The following JPH3 variants were observed in gnomAD, a reference collection of about 807,000 sequenced individuals.
The protein encoded by JPH3 is junctophilin 3.
JPH3 carries 11 observed loss-of-function variants against 59.6 expected under a neutral mutation model. That is an observed-to-expected ratio of 0.18 (90% CI 0.12 to 0.31). The LOEUF is 0.31. JPH3 is among the 10% of genes least tolerant of loss of function. The pLI is 1.00. For missense variants in JPH3, 1,202 were observed against 1,105.7 expected, an observed-to-expected ratio of 1.09 and a Z score of -1.24; for synonymous variants, 673 against 483.6, an observed-to-expected ratio of 1.39 and a Z score of -5.14.
At chr16:87,677,261 T>C (rs2033175802) in intron 2 of JPH3, among the ~76,000 whole-genome samples, 1 of 146,330 alleles carries the variant, frequency 6.8e-6, no homozygotes, top group African/African-American at 2.6e-5. Context: ...TGGGCGCCTG[T>C]AATCCCAGCC....
At chr16:87,641,208 C>CG (rs2031939658) in intron 1 of JPH3, among the ~76,000 whole-genome samples, 1 of 152,128 alleles carries the variant, frequency 6.6e-6, no homozygotes, top group Non-Finnish European at 1.5e-5. Context: ...CCCTGGGGTC[C>CG]GGTCCACATA....
At chr16:87,695,535 G>A (rs1309437526) in intron 4 of JPH3, 4 of 454,572 alleles carry the variant, frequency 8.8e-6, no homozygotes, top group African/African-American at 4.0e-5. Flanking sequence ...GGCGTGGTGG[G>A]GGTGGGGAGA....
At chr16:87,682,049 G>T (rs1405101743) in intron 2 of JPH3, among the ~76,000 whole-genome samples, 1 of 152,146 alleles carries the variant, frequency 6.6e-6, no homozygotes, top group African/African-American at 2.4e-5. Flanking sequence ...CCACCCAAGG[G>T]CCTGGAATCG....
In JPH3 at chr16:87,611,595, C is replaced by A. The variant is rs2030734819; in HGVS notation, c.382+8067C>A. Among the ~76,000 whole-genome samples the A allele has an allele frequency of 6.6e-6, 1 of 152,116 alleles. No individual in the cohort carries two copies. Among genetic ancestry groups the A allele is most frequent in the East Asian group, 1.9e-4 (1 of 5,188 alleles). On this transcript the variant is annotated intron_variant, in intron 1 of 4. Coordinates refer to ENST00000284262, the MANE Select transcript of JPH3 (RefSeq NM_020655.4). The surrounding 1 kb of genome is among the most constrained non-coding windows in gnomAD (Gnocchi z 4.5). ...CCAAAAACACCGAGAGTCGCTCTCT[C>A]TGCTGCTGGTGGAGTCTGAGTTGGG...
At chr16:87,635,096 A>G (rs72810137) in intron 1 of JPH3, among the ~76,000 whole-genome samples, 11,161 of 152,188 alleles carry the variant, frequency 0.073, 536 homozygotes, top group Non-Finnish European at 0.11. Context: ...GCCAGAACTC[A>G]TGGGTCGGGG....
In JPH3 at chr16:87,695,872, G is replaced by A. The variant is rs762687198; in HGVS notation, c.2167-708G>A. The A allele has an allele frequency of 9.0e-5, 41 of 455,954 alleles. 1 individual carries two copies. The highest frequency in any genetic ancestry group is 6.2e-4 in the South Asian group (40 of 64,556). The allele number at this position is 455,954 out of a possible 1,614,324, so 28.2% of individuals were successfully genotyped here. ...GGGAAGGTGGCAGCTTGGTCCGAGT[G>A]CCCAGGCTGTGCGGCTGAAGGGGGA... On this transcript the variant is annotated intron_variant, in intron 4 of 4. Transcript: ENST00000284262.
At chr16:87,608,060 C>T (rs1223919285) in intron 1 of JPH3, among the ~76,000 whole-genome samples, 1 of 152,264 alleles carries the variant, frequency 6.6e-6, no homozygotes, top group African/African-American at 2.4e-5. Context: ...GTGAGGAATC[C>T]TGAGATGAGC....
chr16:87,677,296 T>G (rs2033176961), intron 2 of JPH3, among the ~76,000 whole-genome samples: 1 of 150,528 alleles, frequency 6.6e-6, no homozygotes. Flanking sequence ...GGCAGAAGAA[T>G]TGCCTGAACC....
intron 2 of JPH3, among the ~76,000 whole-genome samples, chr16:87,667,194 T>C (rs2032891848): frequency 6.6e-6 from 1 of 152,214 alleles, no homozygotes; most frequent in African/African-American, 2.4e-5. Flanking sequence ...CTTAGCTCCC[T>C]CTGCCCCGTC....
chr16:87,641,795 G>A (rs191744066), intron 1 of JPH3, among the ~76,000 whole-genome samples: 247 of 152,372 alleles, frequency 1.6e-3, no homozygotes, highest in African/African-American at 5.6e-3. Context: ...GCCCTGGCTG[G>A]GCCATATGCC....
chr16:87,632,628 C>CA (rs1491408096), intron 1 of JPH3, among the ~76,000 whole-genome samples: 3 of 152,316 alleles, frequency 2.0e-5, no homozygotes, highest in African/African-American at 7.2e-5. Context: ...TGCAGCGACT[C>CA]ACGCCTCTAA....
chr16:87,637,254 A>C (rs557834321), intron 1 of JPH3, among the ~76,000 whole-genome samples: 1 of 152,256 alleles, frequency 6.6e-6, no homozygotes, highest in East Asian at 1.9e-4. Context: ...TAGCACATTC[A>C]CGGGGTTCTG....
intron 2 of JPH3, among the ~76,000 whole-genome samples, chr16:87,669,637 TGA>T (rs1567607860): frequency 6.6e-6 from 1 of 151,958 alleles, no homozygotes; most frequent in Non-Finnish European, 1.5e-5. Context: ...TCCACAGCAG[TGA>T]GAGAGGCCTG....
intron 2 of JPH3, among the ~76,000 whole-genome samples, chr16:87,672,333 A>G (rs1166824388): frequency 1.3e-5 from 2 of 152,328 alleles, no homozygotes; most frequent in Non-Finnish European, 2.9e-5. Flanking sequence ...GTCCCAGGCT[A>G]ACGGGCTTCT....
At chr16:87,639,420 T>C (rs920871336) in intron 1 of JPH3, among the ~76,000 whole-genome samples, 1 of 152,194 alleles carries the variant, frequency 6.6e-6, no homozygotes, top group Admixed American at 6.5e-5. Context: ...ACCTTCACTT[T>C]AAACGTTGAG....
intron 1 of JPH3, among the ~76,000 whole-genome samples, chr16:87,636,500 C>T (rs530026729): frequency 3.3e-5 from 5 of 152,304 alleles, no homozygotes; most frequent in South Asian, 2.1e-4. Flanking sequence ...CTGCGGCGAG[C>T]GTGGAGGCCC....
chr16:87,641,428 G>T (rs1108475), intron 1 of JPH3, among the ~76,000 whole-genome samples: 3 of 152,074 alleles, frequency 2.0e-5, no homozygotes, highest in African/African-American at 7.2e-5. Context: ...AAGCAGCTTT[G>T]GGGGTACAGA....
rs1009730974 is a variant in JPH3 at position 87,639,729 on chromosome 16, A to G, written c.383-4529A>G. On this transcript the variant is annotated intron_variant, in intron 1 of 4. Coordinates refer to ENST00000284262, the MANE Select transcript of JPH3 (RefSeq NM_020655.4). ...ACTTTCTGTGTCTATGAGTCTGATG[A>G]CTCCAGGGACCCCAGGAGAGTAGAA... 4.6e-5 allele frequency among the ~76,000 whole-genome samples: 7 copies of G among 151,218 alleles called. 1 individual carries two copies. Among genetic ancestry groups the G allele is most frequent in the Non-Finnish European group, 2.9e-5 (2 of 67,878 alleles).
At chr16:87,632,941 C>A (rs1045408991) in intron 1 of JPH3, among the ~76,000 whole-genome samples, 1 of 151,992 alleles carries the variant, frequency 6.6e-6, no homozygotes, top group African/African-American at 2.4e-5. Context: ...CTGTGTTGCC[C>A]AGGCTGGTCT....
Sources: allele counts gnomAD v4.1 joint callset (sites outside exome capture counted in the v4.1 genomes callset), GRCh38; gene constraint gnomAD v4.1.1; non-coding constraint Gnocchi (gnomAD v3.1); transcripts MANE v1.5; gene names NCBI Gene and HGNC (gene_info 2026-07-23, HGNC 2026-07-21).